NTRK3: variants seen among roughly 807,000 people sequenced by gnomAD.
The protein encoded by NTRK3 is neurotrophic receptor tyrosine kinase 3, also known as NT-3 growth factor receptor.
A neutral mutation model predicts 91.7 loss-of-function variants in NTRK3; 24 were observed. That is an observed-to-expected ratio of 0.26 (90% CI 0.19 to 0.37). The LOEUF (loss-of-function observed/expected upper bound fraction) is 0.37, where lower values mean the gene tolerates loss of function less well. Among genes scored for constraint, NTRK3 ranks in the 10% least tolerant of loss-of-function variants. The pLI, the probability that NTRK3 is intolerant of heterozygous loss-of-function variation, is 1.00. For missense variants in NTRK3, 880 were observed against 1,068.9 expected (o/e 0.82, Z 2.46); for synonymous variants, 483 against 404.0 (o/e 1.20, Z -2.34).
At chr15:88,056,819 C>T (rs1202287965) in intron 13 of NTRK3, among the ~76,000 whole-genome samples, 1 of 152,186 alleles carries the variant, frequency 6.6e-6, no homozygotes, top group Non-Finnish European at 1.5e-5. Context: ...GACAAAGTCC[C>T]TTCTGATGAT....
intron 3 of NTRK3, among the ~76,000 whole-genome samples, chr15:88,189,881 T>A (rs909817960): frequency 3.9e-5 from 6 of 152,220 alleles, no homozygotes; most frequent in African/African-American, 1.2e-4. Context: ...ATTAAAAATA[T>A]GTCATGTGGA....
rs567677654 is a variant in NTRK3 at position 87,979,856 on chromosome 15, G to A, written c.1586-39103C>T. 2.0e-5 allele frequency among the ~76,000 whole-genome samples: 3 copies of A among 152,286 alleles called. No individual in the cohort carries two copies. The South Asian group carries it at 6.2e-4, about 32-fold the overall frequency. On this transcript the variant is annotated intron_variant, in intron 14 of 18. Transcript: ENST00000394480. ...GGGGTATGCACTGTAGGGTCACTTA[G>A]GGGCTAAGGGATGGGAGGAGAAGGC...
chr15:88,256,187 A>G lies in NTRK3; in HGVS notation c.-15-19T>C, dbSNP rs1195361575. 1 of 752,214 alleles carries G rather than the reference A, an allele frequency of 1.3e-6. No homozygotes were observed. The highest frequency in any genetic ancestry group is 1.4e-5 in the South Asian group (1 of 70,710). The allele number at this position is 752,214 out of a possible 1,614,324, so 46.6% of individuals were successfully genotyped here. On this transcript the variant is annotated intron_variant, in intron 2 of 18. Transcript: ENST00000394480. Reference sequence around the variant, plus strand: ...GCTGCTTCTAAAAAAGAGGAGGAGGAGAGGAGAGGGGGGTGGGGTGGGGGG... The same window carrying G: ...GCTGCTTCTAAAAAAGAGGAGGAGGGGAGGAGAGGGGGGTGGGGTGGGGGG...
chr15:87,907,432 G>A (rs921080674), intron 17 of NTRK3, among the ~76,000 whole-genome samples: 1 of 152,110 alleles, frequency 6.6e-6, no homozygotes, highest in African/African-American at 2.4e-5. Context: ...GGGAGGTTAT[G>A]CTTAATTTAC....
At chr15:88,110,316 G>T (rs941272850) in intron 13 of NTRK3, among the ~76,000 whole-genome samples, 1 of 152,202 alleles carries the variant, frequency 6.6e-6, no homozygotes, top group African/African-American at 2.4e-5. Flanking sequence ...CTTCCTGTCT[G>T]CAGGCACCGT....
chr15:87,938,639 T>C (rs756350513), intron 15 of NTRK3, among the ~76,000 whole-genome samples: 2 of 152,194 alleles, frequency 1.3e-5, no homozygotes, highest in Non-Finnish European at 2.9e-5. Flanking sequence ...CGGGGAAACA[T>C]TTCCTAGGGT....
intron 14 of NTRK3, among the ~76,000 whole-genome samples, chr15:88,001,389 G>A (rs1477293707): frequency 6.6e-6 from 1 of 152,014 alleles, no homozygotes; most frequent in African/African-American, 2.4e-5. Context: ...TGTTTTTGGT[G>A]TCATATATAA....
intron 13 of NTRK3, among the ~76,000 whole-genome samples, chr15:88,101,604 C>T (rs2150877032): frequency 6.6e-6 from 1 of 152,328 alleles, no homozygotes; most frequent in African/African-American, 2.4e-5. Context: ...ATAGCAAAGA[C>T]TTGCAACCAA....
At chr15:88,117,296 T>C (rs1481797130) in intron 13 of NTRK3, among the ~76,000 whole-genome samples, 1 of 152,226 alleles carries the variant, frequency 6.6e-6, no homozygotes, top group Admixed American at 6.5e-5. Context: ...TAGCCACCTA[T>C]GAAGTCTCTA....
At chr15:87,871,725 G>C (rs1451247260) in exon 19 of NTRK3, 2 of 226,236 alleles carry the variant, frequency 8.8e-6, no homozygotes, top group Non-Finnish European at 1.8e-5. Flanking sequence ...GAACGGTAAG[G>C]CTAAAAGAGA....
intron 14 of NTRK3, among the ~76,000 whole-genome samples, chr15:87,948,435 C>A (rs1390782222): frequency 6.6e-6 from 1 of 152,212 alleles, no homozygotes; most frequent in Non-Finnish European, 1.5e-5. Flanking sequence ...CGCCTGTAAT[C>A]CCAGCACTTT....
intron 3 of NTRK3, among the ~76,000 whole-genome samples, chr15:88,197,153 G>T (rs1365864358): frequency 7.4e-6 from 1 of 135,422 alleles, no homozygotes; most frequent in Non-Finnish European, 1.5e-5. Flanking sequence ...AGTGATGTCT[G>T]CCCTGGGCAC....
At chr15:88,031,669 A>C (rs929757577) in intron 14 of NTRK3, among the ~76,000 whole-genome samples, 1 of 152,130 alleles carries the variant, frequency 6.6e-6, no homozygotes, top group Non-Finnish European at 1.5e-5. Flanking sequence ...ATGCTGACTC[A>C]AGCCCACTCC....
intron 14 of NTRK3, among the ~76,000 whole-genome samples, chr15:87,975,409 C>T (rs1596481470): frequency 6.6e-6 from 1 of 152,158 alleles, no homozygotes; most frequent in East Asian, 1.9e-4. Flanking sequence ...AGTCAGCTGT[C>T]AATCTGTGCA....
intron 13 of NTRK3, among the ~76,000 whole-genome samples, chr15:88,094,299 T>C (rs981822365): frequency 3.3e-5 from 5 of 150,982 alleles, no homozygotes; most frequent in African/African-American, 9.7e-5. Context: ...ACCCCATCTC[T>C]ACTAAAAATA....
intron 6 of NTRK3, among the ~76,000 whole-genome samples, chr15:88,146,154 A>C (rs1349526343): frequency 1.3e-5 from 2 of 152,220 alleles, no homozygotes; most frequent in Non-Finnish European, 2.9e-5. Flanking sequence ...GTTAGTAGTA[A>C]ATCGTAGTAG....
At chr15:88,147,496 C>A (rs2042991101) in intron 5 of NTRK3, 93 bp from the exon 6 acceptor site, 1 of 982,572 alleles carries the variant, frequency 1.0e-6, no homozygotes, top group East Asian at 2.5e-5. Flanking sequence ...TGGAGCCTGG[C>A]TTTGTTTTCC....
intron 13 of NTRK3, among the ~76,000 whole-genome samples, chr15:88,078,415 G>A (rs1170717272): frequency 6.6e-6 from 1 of 152,184 alleles, no homozygotes; most frequent in African/African-American, 2.4e-5. Flanking sequence ...CGGCACTTCG[G>A]GAGGCCTAGG....
intron 12 of NTRK3, among the ~76,000 whole-genome samples, 181 bp downstream of exon 12, chr15:88,126,981 C>T (rs914764163): frequency 5.9e-5 from 9 of 152,180 alleles, no homozygotes; most frequent in Non-Finnish European, 1.3e-4. Context: ...AACATTTCCT[C>T]AAACAATGAA....
Sources: gnomAD v4.1 joint callset for allele counts (sites outside exome capture counted in the v4.1 genomes callset) on GRCh38, gnomAD v4.1.1 for gene constraint, MANE v1.5 for transcripts, NCBI Gene and HGNC (gene_info 2026-07-23, HGNC 2026-07-21) for gene names.